TTC7A: variants seen among roughly 807,000 people sequenced by gnomAD.
The protein encoded by TTC7A is tetratricopeptide repeat domain 7A, also known as tetratricopeptide repeat protein 7A.
A neutral mutation model predicts 103.7 loss-of-function variants in TTC7A; 110 were observed. The observed-to-expected ratio is 1.06, with a 90% CI of 0.91 to 1.24. The LOEUF (loss-of-function observed/expected upper bound fraction) is 1.24. Among genes scored for constraint, TTC7A ranks in the 50% most tolerant of loss-of-function variants. TTC7A has a pLI of 0.00. For missense variants in TTC7A, 1,340 were observed against 1,116.3 expected, an observed-to-expected ratio of 1.20 and a Z score of -2.86; for synonymous variants, 521 against 467.9, an observed-to-expected ratio of 1.11 and a Z score of -1.47.
In TTC7A at chr2:47,060,922, A is replaced by G. The variant is rs775700661; in HGVS notation, c.2306A>G (p.Lys769Arg). 3 of 1,614,134 alleles carry G rather than the reference A, an allele frequency of 1.9e-6. No individual in the cohort carries two copies. Among genetic ancestry groups the G allele is most frequent in the Non-Finnish European group, 1.7e-6 (2 of 1,180,000 alleles). Residue 769 changes from lysine to arginine, a missense_variant, in exon 19 of 20, where the codon AAG (lysine) becomes AGG (arginine). By Grantham distance (26) the Lys-to-Arg change is conservative (BLOSUM62 2). Transcript: ENST00000319190. ...CTGGAGGAGGCCAAGCAGCTGTACA[A>G]GGAGGCGCTCACGGTGAACCCAGAT... ...GNLEEAKQLY[K>R]EALTVNPDGV...
intron 15 of TTC7A, among the ~76,000 whole-genome samples, chr2:47,039,999 C>T (rs34156957): frequency 6.6e-6 from 1 of 152,214 alleles, no homozygotes; most frequent in Non-Finnish European, 1.5e-5. Context: ...CACCTGAGTG[C>T]CTTTCTGTGC....
At chr2:47,053,605 T>C (rs1363127489) in intron 18 of TTC7A, among the ~76,000 whole-genome samples, 1 of 151,494 alleles carries the variant, frequency 6.6e-6, no homozygotes, top group Admixed American at 6.6e-5. Flanking sequence ...AGAGTCTCAC[T>C]CTGTGGCCCA....
intron 11 of TTC7A, among the ~76,000 whole-genome samples, chr2:47,020,025 T>A (rs1452508828): frequency 6.6e-6 from 1 of 152,180 alleles, no homozygotes; most frequent in Non-Finnish European, 1.5e-5. Context: ...TAGCCCTATG[T>A]CAGCACCACA....
At chr2:47,036,370 G>A (rs1447154801) in intron 15 of TTC7A, among the ~76,000 whole-genome samples, 2 of 152,188 alleles carry the variant, frequency 1.3e-5, no homozygotes, top group African/African-American at 4.8e-5. Flanking sequence ...ATTAAGAGGT[G>A]GAGGATCATC....
chr2:46,996,795 T>G (rs909740208), intron 8 of TTC7A, among the ~76,000 whole-genome samples: 2 of 152,220 alleles, frequency 1.3e-5, no homozygotes, highest in African/African-American at 2.4e-5. Flanking sequence ...TGCTTTTTAC[T>G]TTTTAAAATG....
intron 18 of TTC7A, chr2:47,054,293 C>A: frequency 2.4e-6 from 1 of 418,056 alleles, no homozygotes; most frequent in Non-Finnish European, 3.2e-6. Context: ...TTGACTGGGA[C>A]AGCGACTCTT....
intron 5 of TTC7A, among the ~76,000 whole-genome samples, chr2:46,989,775 T>C (rs1478997749): frequency 6.6e-6 from 1 of 152,088 alleles, no homozygotes; most frequent in Non-Finnish European, 1.5e-5. Context: ...AGATGCATAA[T>C]GTGCAGTCCT....
At chr2:47,064,013 T>C (rs866557906) in intron 19 of TTC7A, among the ~76,000 whole-genome samples, 1 of 152,236 alleles carries the variant, frequency 6.6e-6, no homozygotes, top group African/African-American at 2.4e-5. Context: ...GCAGATTCTC[T>C]ACTCTCCCTG....
chr2:47,024,579 G>T (rs1486312316), intron 14 of TTC7A, among the ~76,000 whole-genome samples: 1 of 152,090 alleles, frequency 6.6e-6, no homozygotes, highest in Admixed American at 6.5e-5. Flanking sequence ...GGAAGGGCGT[G>T]TTCTCCGCCC....
intron 15 of TTC7A, chr2:47,040,371 C>G (rs376803425): frequency 2.0e-4 from 31 of 152,426 alleles, no homozygotes; most frequent in African/African-American, 7.0e-4. Context: ...CACTCACTTT[C>G]ATATCATCCT....
At chr2:47,033,276 G>A (rs1470635559) in intron 15 of TTC7A, among the ~76,000 whole-genome samples, 1 of 152,200 alleles carries the variant, frequency 6.6e-6, no homozygotes, top group Non-Finnish European at 1.5e-5. Context: ...CCTTTGTCCT[G>A]ACCTCATCGT....
intron 13 of TTC7A, among the ~76,000 whole-genome samples, 174 bp from the exon 14 acceptor site, chr2:47,024,113 G>A (rs546801271): frequency 3.9e-5 from 6 of 152,286 alleles, no homozygotes; most frequent in East Asian, 3.9e-4. Flanking sequence ...CCTGTGGGCC[G>A]CCTTCCTTGG....
intron 17 of TTC7A, chr2:47,050,359 G>A: frequency 2.6e-6 from 1 of 390,600 alleles, no homozygotes; most frequent in Non-Finnish European, 4.8e-6. Flanking sequence ...AGAGGCCACA[G>A]TCCACGTAAT....
At chr2:47,033,715 A>C (rs1558606137) in intron 15 of TTC7A, among the ~76,000 whole-genome samples, 1 of 152,100 alleles carries the variant, frequency 6.6e-6, no homozygotes, top group East Asian at 1.9e-4. Context: ...GACTCAGGAG[A>C]GGGCACACAG....
At chr2:46,958,605 C>T (rs1672103387) in intron 3 of TTC7A, 2 of 1,233,730 alleles carry the variant, frequency 1.6e-6, no homozygotes, top group Non-Finnish European at 2.1e-6. Flanking sequence ...GCTGTGCTAG[C>T]TCCCGTTCCC....
At chr2:47,039,387 C>A (rs1301533007) in intron 15 of TTC7A, among the ~76,000 whole-genome samples, 1 of 152,170 alleles carries the variant, frequency 6.6e-6, no homozygotes, top group South Asian at 2.1e-4. Flanking sequence ...TGCCAACTTC[C>A]CCCACCAGCA....
intron 2 of TTC7A, among the ~76,000 whole-genome samples, chr2:46,955,325 A>C (rs1419317327): frequency 1.3e-5 from 2 of 152,226 alleles, no homozygotes; most frequent in African/African-American, 4.8e-5. Context: ...GGGATGTGTC[A>C]TCTGTGGCCC....
At chr2:47,062,329 A>G (rs1006445318) in intron 19 of TTC7A, among the ~76,000 whole-genome samples, 1 of 152,222 alleles carries the variant, frequency 6.6e-6, no homozygotes, top group Admixed American at 6.5e-5. Flanking sequence ...CCTGATTTCT[A>G]TAGATTTCTA....
At chr2:46,939,790 C>G (rs1314655595), upstream of TTC7A, among the ~76,000 whole-genome samples, 1 of 152,206 alleles carries the variant, frequency 6.6e-6, no homozygotes, top group African/African-American at 2.4e-5. Context: ...TGGTGACCAT[C>G]AAAGGCAGCC....
Sources: allele counts gnomAD v4.1 joint callset (sites outside exome capture counted in the v4.1 genomes callset), GRCh38; gene constraint gnomAD v4.1.1; transcripts MANE v1.5; gene names NCBI Gene and HGNC (gene_info 2026-07-23, HGNC 2026-07-21).